Variants in WTIP observed in about 807,000 individuals in gnomAD.
WTIP encodes WT1 interacting protein, also known as Wilms tumor protein 1-interacting protein.
WTIP carries 23 observed loss-of-function variants against 41.7 expected under a neutral mutation model. The ratio of observed to expected loss-of-function variants is 0.55; its 90% CI spans 0.40 to 0.78. The LOEUF (loss-of-function observed/expected upper bound fraction) is 0.78, where lower values mean the gene tolerates loss of function less well. WTIP is among the 30% of genes least tolerant of loss of function. WTIP has a pLI of 0.00. For synonymous variants in WTIP, 314 were observed against 269.9 expected, an observed-to-expected ratio of 1.16 and a Z score of -1.60; for missense variants, 619 against 610.5, an observed-to-expected ratio of 1.01 and a Z score of -0.15.
In WTIP at chr19:34,504,114, G is replaced by C. The variant is rs1182024497; in HGVS notation, c.*3845G>C. On this transcript the variant is annotated 3_prime_UTR_variant, in exon 8 of 8. Coordinates refer to ENST00000590071, the MANE Select transcript of WTIP (RefSeq NM_001080436.2). ...AAAGGGATTGAATATTTCAGAAAAT[G>C]AATGAGAGAGATTGGGAGAGATGGT... The C allele has an allele frequency of 1.3e-5, 2 of 152,182 alleles. No homozygotes were observed. The highest frequency in any genetic ancestry group is 4.8e-5 in the African/African-American group (2 of 41,406). 9.4% of individuals were successfully genotyped at this position (152,182 alleles called of 1,614,324 possible).
intron 7 of WTIP, among the ~76,000 whole-genome samples, chr19:34,496,049 C>T (rs2075851524): frequency 6.6e-6 from 1 of 152,112 alleles, no homozygotes; most frequent in Admixed American, 6.5e-5. Flanking sequence ...CCCAGCTACT[C>T]AGGAGGCTGA....
chr19:34,496,134 G>T (rs2075852094), intron 7 of WTIP, among the ~76,000 whole-genome samples: 1 of 152,106 alleles, frequency 6.6e-6, no homozygotes, highest in Non-Finnish European at 1.5e-5. Flanking sequence ...TCCAGCCTGG[G>T]CAACAAGAGT....
chr19:34,492,688 CAAA>C (rs35065558), intron 2 of WTIP, among the ~76,000 whole-genome samples: 191 of 111,598 alleles, frequency 1.7e-3, no homozygotes, highest in Middle Eastern at 4.7e-3. Flanking sequence ...TACTCTGTAT[CAAA>C]AAAAAAAAAA....
rs936062464 is a variant in WTIP at position 34,504,194 on chromosome 19, G to A, written c.*3925G>A. 2.0e-5 allele frequency: 3 copies of A among 151,812 alleles called. No individual in the cohort carries two copies. The highest frequency in any genetic ancestry group is 4.4e-5 in the Non-Finnish European group (3 of 68,036). The allele number at this position is 151,812 out of a possible 1,614,324, so 9.4% of individuals were successfully genotyped here. On this transcript the variant is annotated 3_prime_UTR_variant, in exon 8 of 8. Coordinates refer to ENST00000590071, the MANE Select transcript of WTIP (RefSeq NM_001080436.2). ...TTTAAGAGGGAGACTGAGTGACTCC[G>A]AGAATGAGGGGGAAAGATACGGAGA...
rs1426776252 is a variant in WTIP, at chr19:34,501,053, A to G, written c.*784A>G. The G allele has an allele frequency of 2.0e-5, 3 of 152,698 alleles. No homozygotes were observed. The highest frequency in any genetic ancestry group is 2.0e-4 in the Admixed American group (3 of 15,290). The allele number at this position is 152,698 out of a possible 1,614,324, so 9.5% of individuals were successfully genotyped here. A position where few individuals can be genotyped will look rare whatever the true frequency, so the allele number is the denominator to read the frequency against. ...GGGCGCCCTGGCCACGCTTCAGGAAAGCCTGTGTCTGCGCGCGGGGCAAGG... is the reference window on the plus strand; with the variant it reads ...GGGCGCCCTGGCCACGCTTCAGGAAGGCCTGTGTCTGCGCGCGGGGCAAGG... On this transcript the variant is annotated 3_prime_UTR_variant, in exon 8 of 8. Coordinates refer to ENST00000590071, the MANE Select transcript of WTIP (RefSeq NM_001080436.2).
chr19:34,489,197 TAAAAAA>T (rs57433723), intron 1 of WTIP, among the ~76,000 whole-genome samples: 7 of 61,974 alleles, frequency 1.1e-4, no homozygotes, highest in Non-Finnish European at 1.8e-4. Flanking sequence ...AGACTCTATC[TAAAAAA>T]AAAAAAAAAA....
chr19:34,502,800 C>T lies in WTIP; in HGVS notation c.*2531C>T, dbSNP rs1158587454. 1 of 152,242 alleles carries T rather than the reference C, an allele frequency of 6.6e-6. No homozygotes were observed. Among genetic ancestry groups the T allele is most frequent in the Non-Finnish European group, 1.5e-5 (1 of 68,090 alleles). 9.4% of individuals were successfully genotyped at this position (152,242 alleles called of 1,614,324 possible). A position where few individuals can be genotyped will look rare whatever the true frequency, so the allele number is the denominator to read the frequency against. On this transcript the variant is annotated 3_prime_UTR_variant, in exon 8 of 8. Coordinates refer to ENST00000590071, the MANE Select transcript of WTIP (RefSeq NM_001080436.2). Reference sequence around the variant, plus strand: ...TCAAACTCCTGACCTCAAGCGAGCCCACCTTGGCCTCCCAGAGTGTTGGGA... The same window carrying T: ...TCAAACTCCTGACCTCAAGCGAGCCTACCTTGGCCTCCCAGAGTGTTGGGA...
chr19:34,495,166 T>C (rs2075846344), intron 6 of WTIP, among the ~76,000 whole-genome samples: 1 of 151,892 alleles, frequency 6.6e-6, no homozygotes, highest in Non-Finnish European at 1.5e-5. Context: ...GAGGCCAAGG[T>C]GGGATGATTG....
chr19:34,500,366 T>G lies in WTIP; in HGVS notation c.*97T>G. The stretch of plus-strand genomic sequence containing the variant: ...TCAGCGTCAGGGGAGCTCCCTCCAA[T>G]CAGTTTCCCACCGAGCTGCTGTCTG... On this transcript the variant is annotated 3_prime_UTR_variant, in exon 8 of 8. Coordinates refer to ENST00000590071, the MANE Select transcript of WTIP (RefSeq NM_001080436.2). The G allele has an allele frequency of 1.4e-6, 2 of 1,391,252 alleles. No individual in the cohort carries two copies. The highest frequency in any genetic ancestry group is 3.2e-5 in the South Asian group (2 of 62,926). 86.2% of individuals were successfully genotyped at this position (1,391,252 alleles called of 1,614,324 possible).
chr19:34,496,322 C>T (rs537929387), intron 7 of WTIP, among the ~76,000 whole-genome samples: 39 of 152,290 alleles, frequency 2.6e-4, no homozygotes, highest in East Asian at 1.7e-3. Context: ...AGGCTCGCGC[C>T]GCCACATTCA....
intron 5 of WTIP, among the ~76,000 whole-genome samples, 155 bp from the exon 6 acceptor site, chr19:34,494,431 C>T (rs2075842464): frequency 6.6e-6 from 1 of 151,450 alleles, no homozygotes; most frequent in African/African-American, 2.4e-5. Flanking sequence ...GAAGGCATGG[C>T]AGAAGCTGTT....
chr19:34,483,376 C>G (rs975354954), intron 1 of WTIP, among the ~76,000 whole-genome samples: 44 of 152,030 alleles, frequency 2.9e-4, no homozygotes, highest in Non-Finnish European at 4.4e-4. Context: ...TCCTTTCATG[C>G]TTCGTGATGA....
chr19:34,483,838 C>A (rs986337415), intron 1 of WTIP, among the ~76,000 whole-genome samples: 5 of 151,706 alleles, frequency 3.3e-5, no homozygotes, highest in African/African-American at 1.2e-4. Context: ...GTCACCATGC[C>A]TGGGACCGTG....
At chr19:34,491,839 T>C (rs544603054) in intron 2 of WTIP, among the ~76,000 whole-genome samples, 1 of 150,076 alleles carries the variant, frequency 6.7e-6, no homozygotes, top group East Asian at 2.0e-4. Flanking sequence ...AGAGATGTGG[T>C]TTCATAGTGT....
chr19:34,485,041 A>C (rs2075790645), intron 1 of WTIP, among the ~76,000 whole-genome samples: 1 of 151,846 alleles, frequency 6.6e-6, no homozygotes, highest in Non-Finnish European at 1.5e-5. Flanking sequence ...AAGAAAAACT[A>C]GAAATTGAGA....
rs748466584 is a variant in WTIP at position 34,501,680 on chromosome 19, C to T, written c.*1411C>T. The T allele has an allele frequency of 1.3e-5, 2 of 152,370 alleles. No individual in the cohort carries two copies. The highest frequency in any genetic ancestry group is 2.9e-5 in the Non-Finnish European group (2 of 68,132). The allele number at this position is 152,370 out of a possible 1,614,324, so 9.4% of individuals were successfully genotyped here. On this transcript the variant is annotated 3_prime_UTR_variant, in exon 8 of 8. Coordinates refer to ENST00000590071, the MANE Select transcript of WTIP (RefSeq NM_001080436.2). ...GCCCAAGGGAACAAACACCAGGAGG[C>T]GCCCGCAGGGAAGTGGCGGCTTCGG...
rs190077184 is a variant in WTIP at position 34,500,456 on chromosome 19, C to A, written c.*187C>A. On this transcript the variant is annotated 3_prime_UTR_variant, in exon 8 of 8. Transcript: ENST00000590071. ...CCGTCTGTGCCTGCTCAAGTCACTT[C>A]CCTGCGGGCCCTGCCTCCCACCCAC... 1.3e-6 allele frequency: 1 copy of A among 784,570 alleles called. No homozygotes were observed. Among genetic ancestry groups the A allele is most frequent in the Non-Finnish European group, 1.9e-6 (1 of 532,008 alleles). The allele number at this position is 784,570 out of a possible 1,614,324, so 48.6% of individuals were successfully genotyped here.
In WTIP at chr19:34,493,367, G is replaced by A. The variant is rs763107306; in HGVS notation, c.900+42G>A. 2 of 1,601,538 alleles carry A rather than the reference G, an allele frequency of 1.2e-6. No homozygotes were observed. Among genetic ancestry groups the A allele is most frequent in the Middle Eastern group, 1.7e-4 (1 of 6,056 alleles). ...GCCTCCTGGAGCCCCTCTGACGTGG[G>A]TGGAGTCTGAGGACTCTACCGTCTC... On this transcript the variant is annotated intron_variant, in intron 4 of 7. Coordinates refer to ENST00000590071, the MANE Select transcript of WTIP (RefSeq NM_001080436.2). The surrounding 1 kb of genome is among the most constrained non-coding windows in gnomAD (Gnocchi z 4.1).
intron 2 of WTIP, among the ~76,000 whole-genome samples, chr19:34,492,646 G>A (rs924856291): frequency 7.0e-6 from 1 of 143,788 alleles, no homozygotes; most frequent in Non-Finnish European, 1.5e-5. Context: ...CCAAGATCAC[G>A]CCACTGCACT....
Sources: allele counts gnomAD v4.1 joint callset (sites outside exome capture counted in the v4.1 genomes callset), GRCh38; gene constraint gnomAD v4.1.1; non-coding constraint Gnocchi (gnomAD v3.1); transcripts MANE v1.5; gene names NCBI Gene and HGNC (gene_info 2026-07-23, HGNC 2026-07-21).